Variants in SNX7 observed in about 807,000 individuals in gnomAD.
The protein encoded by SNX7 is sorting nexin 7.
SNX7 carries 35 observed loss-of-function variants against 48.4 expected under a neutral mutation model. That is an observed-to-expected ratio of 0.72 (90% CI 0.55 to 0.96). The LOEUF is 0.96. Ranked by LOEUF, SNX7 falls within the 40% of genes least tolerant of loss-of-function variation. The pLI is 0.00. For synonymous variants in SNX7, 190 were observed against 190.2 expected, an observed-to-expected ratio of 1.00 and a Z score of 0.01; for missense variants, 553 against 548.9, an observed-to-expected ratio of 1.01 and a Z score of -0.07.
chr1:98,685,844 A>G (rs1650765684), intron 2 of SNX7, among the ~76,000 whole-genome samples: 1 of 152,092 alleles, frequency 6.6e-6, no homozygotes, highest in Non-Finnish European at 1.5e-5. Flanking sequence ...CTGAAGATAT[A>G]TATATCTTAT....
chr1:98,736,959 C>T (rs1265768868), intron 7 of SNX7, among the ~76,000 whole-genome samples: 1 of 152,072 alleles, frequency 6.6e-6, no homozygotes, highest in Non-Finnish European at 1.5e-5. Context: ...CATTTTTGCT[C>T]AAATCTTCCT....
intron 1 of SNX7, among the ~76,000 whole-genome samples, chr1:98,678,428 A>G (rs112927133): frequency 4.0e-4 from 61 of 152,290 alleles, no homozygotes; most frequent in African/African-American, 1.3e-3. Context: ...CAAACATCCA[A>G]ACTATATCAG....
At chr1:98,675,273 G>A (rs529677998) in intron 1 of SNX7, among the ~76,000 whole-genome samples, 1 of 152,024 alleles carries the variant, frequency 6.6e-6, no homozygotes, top group Non-Finnish European at 1.5e-5. Flanking sequence ...TTTAAGTATT[G>A]TTAGTATATT....
intron 1 of SNX7, chr1:98,662,754 G>C (rs530436054): frequency 1.6e-6 from 2 of 1,289,390 alleles, no homozygotes; most frequent in South Asian, 2.5e-5. Context: ...CCTGAGTTCA[G>C]ATCACAACGC....
chr1:98,670,551 CT>C (rs1649794093), intron 1 of SNX7, among the ~76,000 whole-genome samples: 1 of 152,240 alleles, frequency 6.6e-6, no homozygotes, highest in Non-Finnish European at 1.5e-5. Context: ...TTTACTGTAC[CT>C]TTTCTAATCA....
At chr1:98,750,980 C>T (rs1279813200) in intron 8 of SNX7, among the ~76,000 whole-genome samples, 1 of 152,048 alleles carries the variant, frequency 6.6e-6, no homozygotes, top group Non-Finnish European at 1.5e-5. Flanking sequence ...CAGTTAGCCT[C>T]TGGAAATCTT....
chr1:98,670,597 A>G (rs1215736961), intron 1 of SNX7, among the ~76,000 whole-genome samples: 1 of 152,208 alleles, frequency 6.6e-6, no homozygotes, highest in East Asian at 1.9e-4. Flanking sequence ...CATAACAGTA[A>G]CATGTACAGG....
chr1:98,739,340 C>A (rs1653955404), intron 8 of SNX7, among the ~76,000 whole-genome samples: 1 of 152,112 alleles, frequency 6.6e-6, no homozygotes, highest in Admixed American at 6.6e-5. Flanking sequence ...GGGTTGAGGA[C>A]CCCTGTAATT....
intron 7 of SNX7, among the ~76,000 whole-genome samples, chr1:98,714,514 G>T (rs915502382): frequency 1.3e-5 from 2 of 152,126 alleles, no homozygotes; most frequent in African/African-American, 4.8e-5. Flanking sequence ...TGTGATTAGT[G>T]CTATAAAGAG....
At chr1:98,750,109 TATA>T (rs1368904352) in intron 8 of SNX7, among the ~76,000 whole-genome samples, 2 of 152,028 alleles carry the variant, frequency 1.3e-5, no homozygotes, top group African/African-American at 4.8e-5. Context: ...TTACATATTC[TATA>T]ATAATAAGTA....
chr1:98,749,190 A>ATAT (rs1189138102), intron 8 of SNX7, among the ~76,000 whole-genome samples: 1 of 152,156 alleles, frequency 6.6e-6, no homozygotes, highest in Non-Finnish European at 1.5e-5. Context: ...GATTTCCAAT[A>ATAT]TATTAGACCT....
chr1:98,705,332 AAAGAT>A (rs933769729), intron 7 of SNX7, among the ~76,000 whole-genome samples: 23 of 152,304 alleles, frequency 1.5e-4, no homozygotes, highest in African/African-American at 5.3e-4. Flanking sequence ...TTGATAAATC[AAAGAT>A]CAAATCCTAG....
At chr1:98,720,313 A>T (rs905538821) in intron 7 of SNX7, among the ~76,000 whole-genome samples, 5 of 152,120 alleles carry the variant, frequency 3.3e-5, no homozygotes, top group African/African-American at 1.2e-4. Context: ...TTCTTTAAAA[A>T]ATAACTCCGT....
chr1:98,700,616 C>T (rs1651695286), intron 6 of SNX7, among the ~76,000 whole-genome samples: 1 of 151,694 alleles, frequency 6.6e-6, no homozygotes, highest in Non-Finnish European at 1.5e-5. Flanking sequence ...ATAATCATAG[C>T]TCACTACAGC....
chr1:98,754,435 A>G (rs145841483), intron 8 of SNX7, among the ~76,000 whole-genome samples: 57 of 152,188 alleles, frequency 3.7e-4, no homozygotes, highest in African/African-American at 1.3e-3. Context: ...AATGTTTGCT[A>G]TAATTCTCTA....
At chr1:98,663,652 C>T (rs748749712) in intron 1 of SNX7, among the ~76,000 whole-genome samples, 1 of 152,100 alleles carries the variant, frequency 6.6e-6, no homozygotes, top group Non-Finnish European at 1.5e-5. Flanking sequence ...TTGCCTAAAG[C>T]TCTCTCAGAC....
chr1:98,681,254 T>A (rs1272979868), intron 1 of SNX7, among the ~76,000 whole-genome samples: 1 of 152,134 alleles, frequency 6.6e-6, no homozygotes, highest in Non-Finnish European at 1.5e-5. Context: ...GCCCCCATGA[T>A]TCAATTATCT....
chr1:98,683,844 C>G (rs1410290732), intron 1 of SNX7, among the ~76,000 whole-genome samples: 1 of 152,134 alleles, frequency 6.6e-6, no homozygotes, highest in Non-Finnish European at 1.5e-5. Context: ...GCAGGACTTT[C>G]ACTTGATATC....
intron 7 of SNX7, among the ~76,000 whole-genome samples, chr1:98,717,021 A>G (rs1237992628): frequency 6.6e-6 from 1 of 151,508 alleles, no homozygotes; most frequent in Non-Finnish European, 1.5e-5. Flanking sequence ...AAAAAAAAAA[A>G]CTTGGATTTC....
Sources: allele counts gnomAD v4.1 joint callset (sites outside exome capture counted in the v4.1 genomes callset), GRCh38; gene constraint gnomAD v4.1.1; transcripts MANE v1.5; gene names NCBI Gene and HGNC (gene_info 2026-07-23, HGNC 2026-07-21).